Variants in RRBP1 observed in about 807,000 individuals in gnomAD.
RRBP1 encodes the protein ribosome-binding protein 1.
A neutral mutation model predicts 165.2 loss-of-function variants in RRBP1; 94 were observed. That is an observed-to-expected ratio of 0.57 (90% CI 0.48 to 0.68). The LOEUF (loss-of-function observed/expected upper bound fraction) is 0.68, where lower values mean the gene tolerates loss of function less well. Among genes scored for constraint, RRBP1 ranks in the 30% least tolerant of loss-of-function variants. The pLI is 0.00. For synonymous variants in RRBP1, 680 were observed against 714.5 expected (o/e 0.95, Z 0.77); for missense variants, 1,676 against 1,763.0 (o/e 0.95, Z 0.88).
intron 4 of RRBP1, 74 bp downstream of exon 4, chr20:17,642,905 G>T: frequency 2.0e-6 from 3 of 1,478,988 alleles, no homozygotes; most frequent in Non-Finnish European, 2.8e-6. Context: ...CCTCTCTGTG[G>T]CAGAGGGAAG....
chr20:17,667,670 C>A (rs1234810914), intron 2 of RRBP1, among the ~76,000 whole-genome samples: 2 of 152,218 alleles, frequency 1.3e-5, no homozygotes, highest in Non-Finnish European at 2.9e-5. Context: ...CCCCATCACA[C>A]ACACATCTGG....
chr20:17,633,607 G>A lies in RRBP1; in HGVS notation c.2463C>T (p.Asn821=), dbSNP rs199806692. 3.2e-5 allele frequency: 51 copies of A among 1,613,824 alleles called. 1 individual carries two copies. The East Asian group carries it at 4.2e-4, about 13-fold the overall frequency. The part of the protein sequence containing the change: ...QATSQVESKQ[N]AELAKLRQEL... Reference sequence around the variant, plus strand: ...CCTGCCGAAGCTTGGCCAGCTCTGCGTTCTGCCTGCAAGACAGTCACCAGC... The same window carrying A: ...CCTGCCGAAGCTTGGCCAGCTCTGCATTCTGCCTGCAAGACAGTCACCAGC... Residue 821 remains asparagine (N), a synonymous_variant, in exon 8 of 25, where the codon AAC becomes AAT. Transcript: ENST00000377813.
intron 2 of RRBP1, among the ~76,000 whole-genome samples, chr20:17,665,872 A>T (rs1747102355): frequency 6.6e-6 from 1 of 152,178 alleles, no homozygotes; most frequent in South Asian, 2.1e-4. Context: ...CCAGGAATTT[A>T]CTTTGGTATG....
At position 17,635,642 on chromosome 20, in the gene RRBP1, A is replaced by C; in HGVS notation, c.2360T>G (p.Leu787Arg). 1 of 1,613,540 alleles carries C rather than the reference A, an allele frequency of 6.2e-7. No homozygotes were observed. ...QGKIRTLQEQ[L>R]ENGPNTQLAR... The stretch of plus-strand genomic sequence containing the variant: ...CAGCTGCGTGTTGGGGCCATTCTCC[A>C]GCTGCTCCTGAAGAGTCCGGATCTG... Residue 787 changes from leucine to arginine, a missense_variant, in exon 7 of 25, where the codon CTG (leucine) becomes CGG (arginine). By Grantham distance (102) the Leu-to-Arg change is moderately radical (BLOSUM62 -2). Transcript: ENST00000377813.
At chr20:17,663,136 G>C (rs111457272) in intron 2 of RRBP1, among the ~76,000 whole-genome samples, 2 of 152,196 alleles carry the variant, frequency 1.3e-5, no homozygotes, top group African/African-American at 4.8e-5. Context: ...CCATGTGCTC[G>C]AGGGGTGGTC....
intron 22 of RRBP1, 140 bp downstream of exon 22, chr20:17,615,786 C>T (rs1246293305): frequency 5.3e-6 from 4 of 753,378 alleles, no homozygotes; most frequent in African/African-American, 1.8e-5. Flanking sequence ...CCGGGCCCCA[C>T]CCACTGCTGC....
intron 20 of RRBP1, 109 bp downstream of exon 20, chr20:17,618,487 T>TG: frequency 1.1e-6 from 1 of 915,534 alleles, no homozygotes; most frequent in South Asian, 1.3e-5. Flanking sequence ...CACTGTCCCT[T>TG]CCCTAGGCTT....
chr20:17,660,687 C>T (rs2036748945), intron 2 of RRBP1, among the ~76,000 whole-genome samples, 159 bp from the exon 3 acceptor site: 1 of 152,230 alleles, frequency 6.6e-6, no homozygotes, highest in Non-Finnish European at 1.5e-5. Context: ...GTCCCACATT[C>T]TCACCTGCTC....
At position 17,625,515 on chromosome 20, in the gene RRBP1, G is replaced by A; in HGVS notation, c.3051C>T (p.Asn1017=). Residue 1017 remains asparagine, a synonymous_variant, in exon 12 of 25, where the codon AAC becomes AAT. Coordinates refer to ENST00000377813, the MANE Select transcript of RRBP1 (RefSeq NM_001365613.2). ...CGCCTGTGCCTGCCGCACTCACATT[G>A]TTCTTCACTTTCTGCTGCTCGACGG... ...REAVEQQKVK[N]NDLREKNWKA... The A allele has an allele frequency of 6.2e-7, 1 of 1,613,566 alleles. No homozygotes were observed. The highest frequency in any genetic ancestry group is 8.5e-7 in the Non-Finnish European group (1 of 1,179,788).
chr20:17,665,760 G>A lies in RRBP1; in HGVS notation c.-21-5232C>T, dbSNP rs557243816. On this transcript the variant is annotated intron_variant, in intron 2 of 24. Transcript: ENST00000377813. ...CCCCTGAAGCCAGCCACCCAGGGTC[G>A]CTTCCTGGAGATAACCATTGTGACA... Among the ~76,000 whole-genome samples the A allele has an allele frequency of 3.3e-5, 5 of 152,242 alleles. No homozygotes were observed. The South Asian group carries it at 6.2e-4, about 19-fold the overall frequency.
chr20:17,649,499 G>C (rs955650979), intron 3 of RRBP1, among the ~76,000 whole-genome samples: 6 of 151,972 alleles, frequency 3.9e-5, no homozygotes, highest in African/African-American at 9.7e-5. Context: ...ACAAACACCT[G>C]GCTGGGGAGA....
At chr20:17,625,720 C>T (rs1465311400) in intron 11 of RRBP1, 118 bp from the exon 12 acceptor site, 18 of 844,606 alleles carry the variant, frequency 2.1e-5, no homozygotes, top group Admixed American at 4.2e-5. Context: ...TGGCCAGGGA[C>T]GGTCCCTTCT....
chr20:17,622,077 C>T (rs536762685), intron 13 of RRBP1, 130 bp from the exon 14 acceptor site: 2 of 694,134 alleles, frequency 2.9e-6, no homozygotes, highest in South Asian at 3.3e-5. Flanking sequence ...AGGGAAGCGA[C>T]AAGAATCAAA....
chr20:17,631,073 G>T (rs1396978254), intron 8 of RRBP1, among the ~76,000 whole-genome samples: 1 of 152,244 alleles, frequency 6.6e-6, no homozygotes, highest in East Asian at 1.9e-4. Flanking sequence ...AGGATGGGCA[G>T]TGCTTTCTGC....
Position 17,641,882 on chromosome 20 carries a change from C to A in RRBP1, c.2099G>T (p.Arg700Leu). 6.2e-7 allele frequency: 1 copy of A among 1,614,082 alleles called. No homozygotes were observed. Among genetic ancestry groups the A allele is most frequent in the Non-Finnish European group, 8.5e-7 (1 of 1,179,978 alleles). ...CAGTTTTTCCTTCTCTTCCAGCTGG[C>A]GTTTCAGAATCGCCACAGGGTCACC... ...QKGDPVAILK[R>L]QLEEKEKLLA... The change falls in exon 5 of 25, where the codon CGC (arginine) becomes CTC (leucine). Residue 700 changes from arginine to leucine, a missense_variant. Around this residue, in one of 5 missense-constraint regions of RRBP1, gnomAD observed 1,184 missense variants for 1,167.1 expected, o/e 1.01. Coordinates refer to ENST00000377813, the MANE Select transcript of RRBP1 (RefSeq NM_001365613.2).
chr20:17,642,071 A>C lies in RRBP1; in HGVS notation c.2062-152T>G. 2.2e-6 allele frequency: 2 copies of C among 898,526 alleles called. 1 individual carries two copies. The highest frequency in any genetic ancestry group is 3.4e-6 in the Non-Finnish European group (2 of 596,530). The allele number at this position is 898,526 out of a possible 1,614,324, so 55.7% of individuals were successfully genotyped here. ...ACTGGGACTCCAGATACTTGTGGGG[A>C]AAGGCGGCCCCGCCTCAGCCATCAG... On this transcript the variant is annotated intron_variant, in intron 4 of 24. Transcript: ENST00000377813.
chr20:17,614,091 T>TA lies in RRBP1; in HGVS notation c.*90dup, dbSNP rs2035743462. On this transcript the variant is annotated 3_prime_UTR_variant, in exon 25 of 25. Transcript: ENST00000377813. Reference sequence around the variant, plus strand: ...GGAGCTACCGGAAGTTGGGCCTGGATAACGCTGTGTAGGTTGGTTGGTTTA... The same window carrying TA: ...GGAGCTACCGGAAGTTGGGCCTGGATAAACGCTGTGTAGGTTGGTTGGTTTA... 7.6e-7 allele frequency: 1 copy of TA among 1,323,272 alleles called. No individual in the cohort carries two copies. The highest frequency in any genetic ancestry group is 1.1e-6 in the Non-Finnish European group (1 of 917,462). 82.0% of individuals were successfully genotyped at this position (1,323,272 alleles called of 1,614,324 possible).
intron 13 of RRBP1, among the ~76,000 whole-genome samples, chr20:17,623,818 G>T (rs892869666): frequency 6.6e-6 from 1 of 152,100 alleles, no homozygotes; most frequent in Non-Finnish European, 1.5e-5. Context: ...TGTAATCCCA[G>T]CTACTTGAGA....
intron 8 of RRBP1, among the ~76,000 whole-genome samples, chr20:17,632,411 A>G (rs2122316053): frequency 6.6e-6 from 1 of 152,280 alleles, no homozygotes; most frequent in Admixed American, 6.5e-5. Flanking sequence ...GGGCAGGCAC[A>G]CCCCACAGCT....
Sources: allele counts gnomAD v4.1 joint callset (sites outside exome capture counted in the v4.1 genomes callset), GRCh38; gene constraint gnomAD v4.1.1; regional missense constraint gnomAD v4.1.1; transcripts MANE v1.5; gene names NCBI Gene and HGNC (gene_info 2026-07-23, HGNC 2026-07-21).